NAT10: variants seen among roughly 807,000 people sequenced by gnomAD.
NAT10 encodes RNA cytidine acetyltransferase.
Under a neutral mutation model 132.2 loss-of-function variants are expected in NAT10, and 109 were observed. The observed-to-expected ratio is 0.82, with a 90% CI of 0.71 to 0.97. The LOEUF is 0.97. Among genes scored for constraint, NAT10 ranks in the 50% least tolerant of loss-of-function variants. NAT10 has a pLI of 0.00. For synonymous variants in NAT10, 479 were observed against 478.0 expected, an observed-to-expected ratio of 1.00 and a Z score of -0.03; for missense variants, 1,184 against 1,263.4, an observed-to-expected ratio of 0.94 and a Z score of 0.95.
intron 24 of NAT10, 26 bp downstream of exon 24, chr11:34,140,598 G>A (rs1348638324): frequency 6.2e-7 from 1 of 1,604,466 alleles, no homozygotes; most frequent in South Asian, 1.1e-5. Context: ...CTTGCGTGGA[G>A]GAGAAGCGAG....
rs545262849 is a variant in NAT10 at position 34,117,847 on chromosome 11, G to T, written c.558-333G>T. 1.8e-3 allele frequency among the ~76,000 whole-genome samples: 272 copies of T among 152,176 alleles called. 1 individual carries two copies. The highest frequency in any genetic ancestry group is 6.8e-3 in the Middle Eastern group (2 of 294). The stretch of plus-strand genomic sequence containing the variant: ...GTTTGGAATTCCCCATTTAAGGATG[G>T]CCTGAAACACCTCAGTGCTAAAGAG... On this transcript the variant is annotated intron_variant, in intron 6 of 28. Coordinates refer to ENST00000257829, the MANE Select transcript of NAT10 (RefSeq NM_024662.3).
intron 18 of NAT10, 23 bp downstream of exon 18, chr11:34,134,609 T>A (rs535238053): frequency 6.2e-7 from 1 of 1,612,812 alleles, no homozygotes; most frequent in East Asian, 2.2e-5. Flanking sequence ...CAGGCTCCCC[T>A]GAAGCCGTGT....
chr11:34,123,038 T>C (rs776100808), intron 9 of NAT10, among the ~76,000 whole-genome samples: 9 of 152,242 alleles, frequency 5.9e-5, no homozygotes, highest in Non-Finnish European at 1.2e-4. Context: ...TGTTTTTTTC[T>C]ACTGGGTTTG....
chr11:34,141,666 T>C, intron 25 of NAT10, 53 bp from the exon 26 acceptor site: 1 of 1,540,808 alleles, frequency 6.5e-7, no homozygotes, highest in Non-Finnish European at 9.0e-7. Context: ...CACGGGTGAC[T>C]GGGTCCCTGC....
At chr11:34,119,481 C>T (rs774588025) in intron 8 of NAT10, among the ~76,000 whole-genome samples, 9 of 152,184 alleles carry the variant, frequency 5.9e-5, no homozygotes, top group Non-Finnish European at 1.3e-4. Flanking sequence ...TGATTCACTT[C>T]CTGGTACCCT....
rs145738079 is a variant in NAT10 at position 34,108,476 on chromosome 11, C to T, written c.108+143C>T. Reference sequence around the variant, plus strand: ...GCCTAGTGGGAACCTTTCTTTATTTCCTGGAAGTGGTGAATTCTCTGTATT... The same window carrying T: ...GCCTAGTGGGAACCTTTCTTTATTTTCTGGAAGTGGTGAATTCTCTGTATT... On this transcript the variant is annotated intron_variant, in intron 2 of 28. Coordinates refer to ENST00000257829, the MANE Select transcript of NAT10 (RefSeq NM_024662.3). 2.8e-4 allele frequency: 200 copies of T among 719,442 alleles called. 1 individual carries two copies. In the East Asian group the frequency reaches 5.2e-3, roughly 19 times the overall value. 44.6% of individuals were successfully genotyped at this position (719,442 alleles called of 1,614,324 possible). A position where few individuals can be genotyped will look rare whatever the true frequency, so the allele number is the denominator to read the frequency against.
chr11:34,142,681 G>T (rs191282283), intron 27 of NAT10, among the ~76,000 whole-genome samples: 1 of 152,150 alleles, frequency 6.6e-6, no homozygotes, highest in African/African-American at 2.4e-5. Flanking sequence ...TGGCTTTTAC[G>T]TGTGACTTTG....
intron 12 of NAT10, among the ~76,000 whole-genome samples, chr11:34,129,599 CTTTTTTTTTT>C (rs71037399): frequency 7.1e-5 from 4 of 56,696 alleles, no homozygotes; most frequent in African/African-American, 1.4e-4. Flanking sequence ...TCTTCTTCTT[CTTTTTTTTTT>C]TTTTTTTTTT....
In NAT10 at chr11:34,135,156, C is replaced by A. The variant is rs376313210; in HGVS notation, c.1912-19C>A. 13 of 1,601,008 alleles carry A rather than the reference C, an allele frequency of 8.1e-6. No individual in the cohort carries two copies. Among genetic ancestry groups the A allele is most frequent in the Non-Finnish European group, 1.1e-5 (13 of 1,168,324 alleles). The stretch of plus-strand genomic sequence containing the variant: ...CAGCTCTCTTCCCTCGGCCTCTTCC[C>A]CTTCACGTTTGCTCCTAGATGGGCT... On this transcript the variant is annotated intron_variant, in intron 18 of 28. Coordinates refer to ENST00000257829, the MANE Select transcript of NAT10 (RefSeq NM_024662.3).
At chr11:34,110,527 A>G (rs1851674729) in intron 3 of NAT10, among the ~76,000 whole-genome samples, 1 of 126,706 alleles carries the variant, frequency 7.9e-6, no homozygotes, top group South Asian at 2.5e-4. Context: ...TCACTTACAT[A>G]CTGTGACTTA....
At position 34,141,103 on chromosome 11, in the gene NAT10, G is replaced by T; in HGVS notation, c.2607G>T (p.Gly869=). The T allele has an allele frequency of 1.2e-6, 2 of 1,614,064 alleles. No homozygotes were observed. Among genetic ancestry groups the T allele is most frequent in the Non-Finnish European group, 1.7e-6 (2 of 1,180,010 alleles). The change falls in exon 25 of 29, where the codon GGG becomes GGT. Residue 869 remains glycine (G), a synonymous_variant. Coordinates refer to ENST00000257829, the MANE Select transcript of NAT10 (RefSeq NM_024662.3). ...LSAAQSALLL[G]IGLQHKSVDQ... is the part of the protein sequence containing the mutation. ...CCATCCTTTAGGCTCTTCTCTTGGG[G>T]ATTGGCCTGCAGCATAAGTCTGTGG...
At chr11:34,106,556 T>C (rs1851598052) in intron 1 of NAT10, among the ~76,000 whole-genome samples, 1 of 152,158 alleles carries the variant, frequency 6.6e-6, no homozygotes, top group Non-Finnish European at 1.5e-5. Context: ...CCACAGTAGC[T>C]AGAGCAAAAG....
chr11:34,141,335 A>C (rs1034728346), intron 25 of NAT10, 127 bp downstream of exon 25: 1 of 1,323,856 alleles, frequency 7.6e-7, no homozygotes, highest in African/African-American at 1.5e-5. Context: ...ACACACACAC[A>C]CACACACACA....
chr11:34,126,360 G>A (rs1006961384), intron 11 of NAT10, among the ~76,000 whole-genome samples: 1 of 152,132 alleles, frequency 6.6e-6, no homozygotes, highest in Admixed American at 6.5e-5. Context: ...GTCCATAAGT[G>A]GAAACATACT....
intron 28 of NAT10, among the ~76,000 whole-genome samples, chr11:34,145,201 C>T (rs1005320329): frequency 6.6e-6 from 1 of 152,194 alleles, no homozygotes; most frequent in Non-Finnish European, 1.5e-5. Context: ...CCTTTCCTGC[C>T]ATTTGTTTGG....
chr11:34,127,632 G>C, intron 12 of NAT10, 33 bp downstream of exon 12: 1 of 1,581,022 alleles, frequency 6.3e-7, no homozygotes, highest in Non-Finnish European at 8.6e-7. Flanking sequence ...CCTTACTCCC[G>C]TGGCAGGCTC....
At chr11:34,109,896 T>C (rs190670185) in intron 3 of NAT10, among the ~76,000 whole-genome samples, 81 of 152,318 alleles carry the variant, frequency 5.3e-4, no homozygotes, top group Non-Finnish European at 7.1e-4. Context: ...GTTTTCCTTG[T>C]TTCAGGCCCA....
At chr11:34,138,878 A>G in intron 21 of NAT10, 1 of 315,522 alleles carries the variant, frequency 3.2e-6, no homozygotes, top group Non-Finnish European at 6.0e-6. Flanking sequence ...ACCTGAGAGG[A>G]GCACATATTT....
intron 3 of NAT10, among the ~76,000 whole-genome samples, chr11:34,109,543 CTT>C (rs1167656864): frequency 6.6e-6 from 1 of 152,212 alleles, no homozygotes; most frequent in Non-Finnish European, 1.5e-5. Context: ...TTTTCTCTCT[CTT>C]TCTCCTCCTT....
Sources: allele counts gnomAD v4.1 joint callset (sites outside exome capture counted in the v4.1 genomes callset), GRCh38; gene constraint gnomAD v4.1.1; transcripts MANE v1.5; gene names NCBI Gene and HGNC (gene_info 2026-07-23, HGNC 2026-07-21).